Variants in SUPT3H observed in about 807,000 individuals in gnomAD.
SUPT3H encodes transcription initiation protein SPT3 homolog.
Under a neutral mutation model 44.3 loss-of-function variants are expected in SUPT3H, and 44 were observed. That is an observed-to-expected ratio of 0.99 (90% CI 0.78 to 1.28). The LOEUF is 1.28. Ranked by LOEUF, SUPT3H falls within the 50% of genes most tolerant of loss-of-function variation. SUPT3H has a pLI of 0.00. For missense variants in SUPT3H, 380 were observed against 387.1 expected, an observed-to-expected ratio of 0.98 and a Z score of 0.15; for synonymous variants, 124 against 125.6, an observed-to-expected ratio of 0.99 and a Z score of 0.09.
chr6:45,225,019 C>G (rs2153637213), intron 2 of SUPT3H, among the ~76,000 whole-genome samples: 1 of 152,048 alleles, frequency 6.6e-6, no homozygotes. Context: ...TGACTCACAC[C>G]TGTAATCCCA....
chr6:44,839,996 A>G (rs551497610), intron 10 of SUPT3H, among the ~76,000 whole-genome samples: 147 of 152,186 alleles, frequency 9.7e-4, no homozygotes, highest in African/African-American at 1.3e-3. Context: ...CACCGCACCC[A>G]GCCCAGCACC....
intron 2 of SUPT3H, among the ~76,000 whole-genome samples, chr6:45,161,044 C>G (rs1179908868): frequency 2.0e-5 from 3 of 151,960 alleles, no homozygotes; most frequent in East Asian, 3.9e-4. Flanking sequence ...AAGTGTGTTC[C>G]CCCAACACTC....
At chr6:45,158,292 ATATATATTT>A (rs1562573031) in intron 2 of SUPT3H, among the ~76,000 whole-genome samples, 22 of 32,372 alleles carry the variant, frequency 6.8e-4, no homozygotes, top group African/African-American at 2.4e-3. Context: ...ATATATATAT[ATATATATTT>A]TTTTTTTTTT....
intron 1 of SUPT3H, chr6:45,372,101 T>G: frequency 1.1e-5 from 9 of 856,532 alleles, no homozygotes; most frequent in Non-Finnish European, 1.3e-5. Flanking sequence ...TGTGAAATAT[T>G]AATATCTGAC....
intron 3 of SUPT3H, among the ~76,000 whole-genome samples, chr6:45,070,188 T>C (rs1019375535): frequency 2.0e-5 from 3 of 152,168 alleles, no homozygotes; most frequent in Non-Finnish European, 4.4e-5. Flanking sequence ...TCGCATAATC[T>C]GGAAACTTAA....
At chr6:45,100,541 T>TAAAAAAACAAAAAA (rs1798414155) in intron 3 of SUPT3H, among the ~76,000 whole-genome samples, 1 of 33,454 alleles carries the variant, frequency 3.0e-5, no homozygotes, top group African/African-American at 1.8e-4. Flanking sequence ...ACCCTGTACT[T>TAAAAAAACAAAAAA]AAAAAAAAAA....
At chr6:45,282,797 G>T (rs1369420426) in intron 2 of SUPT3H, among the ~76,000 whole-genome samples, 3 of 152,160 alleles carry the variant, frequency 2.0e-5, no homozygotes, top group Admixed American at 6.5e-5. Context: ...ATTCACCAAA[G>T]TTGAAATAAA....
intron 2 of SUPT3H, among the ~76,000 whole-genome samples, chr6:45,294,733 C>CAAAAAAA (rs56281990): frequency 5.5e-5 from 2 of 36,194 alleles, no homozygotes; most frequent in Non-Finnish European, 9.2e-5. Context: ...ACAATAGCTG[C>CAAAAAAA]AAAAAAAAAA....
chr6:45,212,122 C>T (rs189070921), intron 2 of SUPT3H, among the ~76,000 whole-genome samples: 1 of 152,126 alleles, frequency 6.6e-6, no homozygotes, highest in East Asian at 1.9e-4. Flanking sequence ...GCCAAGATTG[C>T]ACCACTGCAC....
At chr6:45,029,234 C>T (rs1050088638) in intron 3 of SUPT3H, among the ~76,000 whole-genome samples, 1 of 151,558 alleles carries the variant, frequency 6.6e-6, no homozygotes, top group African/African-American at 2.4e-5. Flanking sequence ...AAGTCAAGCA[C>T]AGTTAAGTCA....
intron 3 of SUPT3H, among the ~76,000 whole-genome samples, chr6:45,046,669 C>T (rs1041774260): frequency 6.6e-6 from 1 of 152,202 alleles, no homozygotes; most frequent in African/African-American, 2.4e-5. Flanking sequence ...AGTTTTAAAA[C>T]AAACATCTAA....
chr6:44,870,354 C>T (rs558552699), intron 10 of SUPT3H, among the ~76,000 whole-genome samples: 5 of 152,128 alleles, frequency 3.3e-5, no homozygotes, highest in African/African-American at 9.6e-5. Flanking sequence ...CCCAGCACTT[C>T]GTGAGTCTGA....
chr6:44,929,725 A>G (rs1770222134), intron 10 of SUPT3H, among the ~76,000 whole-genome samples: 1 of 151,700 alleles, frequency 6.6e-6, no homozygotes, highest in Non-Finnish European at 1.5e-5. Flanking sequence ...TAGGGAAGTG[A>G]ACATCAGCAT....
intron 3 of SUPT3H, among the ~76,000 whole-genome samples, chr6:45,023,134 C>T (rs554751047): frequency 2.8e-4 from 43 of 151,460 alleles, no homozygotes; most frequent in Non-Finnish European, 4.9e-4. Flanking sequence ...TTTCCAAAGA[C>T]GACATAGATG....
At chr6:44,894,840 ATATTT>A (rs1444673174) in intron 10 of SUPT3H, among the ~76,000 whole-genome samples, 2 of 151,816 alleles carry the variant, frequency 1.3e-5, no homozygotes, top group East Asian at 3.8e-4. Flanking sequence ...GGGCAATAAT[ATATTT>A]TATAACATTT....
At chr6:45,254,337 A>G (rs1772973519) in intron 2 of SUPT3H, among the ~76,000 whole-genome samples, 1 of 152,190 alleles carries the variant, frequency 6.6e-6, no homozygotes, top group Non-Finnish European at 1.5e-5. Flanking sequence ...TTTCTCTTGT[A>G]CTAATACATG....
chr6:45,094,753 T>A (rs1274664711), intron 3 of SUPT3H, among the ~76,000 whole-genome samples: 4 of 152,124 alleles, frequency 2.6e-5, no homozygotes, highest in Non-Finnish European at 5.9e-5. Flanking sequence ...AAGACTAATT[T>A]AAGTAGAAGA....
rs192309112 is a variant in SUPT3H at position 44,953,877 on chromosome 6, T to C, written c.694-460A>G. Among the ~76,000 whole-genome samples, 1,325 of 152,178 alleles carry C rather than the reference T, an allele frequency of 8.7e-3. 23 individuals carry two copies. Among genetic ancestry groups the C allele is most frequent in the African/African-American group, 0.03 (1,248 of 41,526 alleles). ...CTTCCTGAGTAGCTGGGACTACAGG[T>C]GCCCGCCACCATGCCCGGCTAACTT... On this transcript the variant is annotated intron_variant, in intron 8 of 10. Coordinates refer to ENST00000371459, the MANE Select transcript of SUPT3H (RefSeq NM_003599.4).
intron 2 of SUPT3H, among the ~76,000 whole-genome samples, chr6:45,292,928 T>G (rs1439372366): frequency 6.6e-6 from 1 of 151,424 alleles, no homozygotes; most frequent in Non-Finnish European, 1.5e-5. Context: ...GATAGGTCAT[T>G]AAGACAGAAA....
Sources: gnomAD v4.1 joint callset for allele counts (sites outside exome capture counted in the v4.1 genomes callset) on GRCh38, gnomAD v4.1.1 for gene constraint, MANE v1.5 for transcripts, NCBI Gene and HGNC (gene_info 2026-07-23, HGNC 2026-07-21) for gene names.